The following PRDM10 variants were observed in gnomAD, a reference collection of about 807,000 sequenced individuals.
PRDM10 encodes the protein PR/SET domain 10.
Under a neutral mutation model 133.1 loss-of-function variants are expected in PRDM10, and 65 were observed. The observed-to-expected ratio is 0.49, with a 90% CI of 0.40 to 0.60. The LOEUF (loss-of-function observed/expected upper bound fraction) is 0.60. PRDM10 is among the 20% of genes least tolerant of loss of function. PRDM10 has a pLI of 0.00. For missense variants in PRDM10, 1,137 were observed against 1,507.1 expected (o/e 0.75, Z 4.07); for synonymous variants, 582 against 580.4 (o/e 1.00, Z -0.04).
intron 4 of PRDM10, among the ~76,000 whole-genome samples, chr11:129,951,690 C>T (rs1247303017): frequency 1.3e-5 from 2 of 152,174 alleles, no homozygotes; most frequent in Admixed American, 6.5e-5. Context: ...CAGCAGCACA[C>T]ACAACAGAAT....
rs572471776 is a variant in PRDM10 at position 129,970,203 on chromosome 11, G to C, written c.-118-9121C>G. On this transcript the variant is annotated intron_variant, in intron 1 of 20. Coordinates refer to ENST00000360871, the MANE Select transcript of PRDM10 (RefSeq NM_199437.2). ...CAGGCATGTTCCCTAAAAAGGAAGG[G>C]AACTCTGGCACATGCTTCAACAGGG... is the stretch of plus-strand genomic sequence containing the variant. 7.2e-5 allele frequency among the ~76,000 whole-genome samples: 11 copies of C among 152,294 alleles called. No individual in the cohort carries two copies. The East Asian group carries it at 2.1e-3, about 29-fold the overall frequency.
chr11:129,914,546 T>G, intron 17 of PRDM10, 158 bp downstream of exon 17: 1 of 999,392 alleles, frequency 1.0e-6, no homozygotes, highest in South Asian at 1.4e-5. Flanking sequence ...GCCAGAGGCC[T>G]CATCAGCCTG....
chr11:129,920,239 C>T lies in PRDM10; in HGVS notation c.2035-1521G>A, dbSNP rs376508688. 1.1e-4 allele frequency among the ~76,000 whole-genome samples: 17 copies of T among 152,320 alleles called. No individual in the cohort carries two copies. In the East Asian group the frequency reaches 1.9e-3, roughly 17 times the overall value. ...CCACACCATGCTATGCACATCGTGACGGGCACACATTTGTTGGATGCCAAA... is the reference window on the plus strand; with the variant it reads ...CCACACCATGCTATGCACATCGTGATGGGCACACATTTGTTGGATGCCAAA... On this transcript the variant is annotated intron_variant, in intron 13 of 20. Transcript: ENST00000360871.
chr11:129,918,505 A>G lies in PRDM10; in HGVS notation c.2214+34T>C. 6.2e-7 allele frequency: 1 copy of G among 1,602,788 alleles called. No individual in the cohort carries two copies. The highest frequency in any genetic ancestry group is 8.5e-7 in the Non-Finnish European group (1 of 1,173,654). On this transcript the variant is annotated intron_variant, in intron 14 of 20. Transcript: ENST00000360871. This position sits in a 1 kb window ranked among gnomAD's most constrained non-coding sequence, Gnocchi z 5.3. ...ATCGACAGCAATGAGGTATGCTGGGAAGACAGAGGAACCCGCAGCCACTGG... is the reference window on the plus strand; with the variant it reads ...ATCGACAGCAATGAGGTATGCTGGGGAGACAGAGGAACCCGCAGCCACTGG...
chr11:129,917,343 G>A (rs1950389569), intron 14 of PRDM10, 106 bp from the exon 15 acceptor site: 3 of 808,826 alleles, frequency 3.7e-6, no homozygotes, highest in Middle Eastern at 4.6e-4. Flanking sequence ...ATTCTCTGAA[G>A]CAATGCCCCC....
chr11:129,969,756 G>A (rs1228950402), intron 1 of PRDM10, among the ~76,000 whole-genome samples: 1 of 152,150 alleles, frequency 6.6e-6, no homozygotes, highest in Non-Finnish European at 1.5e-5. Flanking sequence ...GCAGTGAGCT[G>A]AGATTGTGCC....
chr11:129,929,756 CA>C (rs67664190), intron 11 of PRDM10, among the ~76,000 whole-genome samples: 12,038 of 89,970 alleles, frequency 0.13, 876 homozygotes, highest in East Asian at 0.43. Flanking sequence ...TTTTTCCTTC[CA>C]AAAAAAAAAA....
At chr11:129,976,232 G>A (rs188513939) in intron 1 of PRDM10, among the ~76,000 whole-genome samples, 182 of 152,206 alleles carry the variant, frequency 1.2e-3, no homozygotes, top group East Asian at 3.9e-4. Context: ...TCTCTGACCC[G>A]ATTCACCTTG....
intron 19 of PRDM10, among the ~76,000 whole-genome samples, chr11:129,910,106 T>A (rs1349788781): frequency 6.6e-6 from 1 of 152,240 alleles, no homozygotes; most frequent in South Asian, 2.1e-4. Flanking sequence ...GTGTTACCGA[T>A]ACTAATGAGA....
Position 129,944,862 on chromosome 11 carries a change from T to C in PRDM10, c.671A>G (p.Lys224Arg), listed in dbSNP as rs144539589. Residue 224 changes from lysine (K) to arginine (R), a missense_variant, in exon 6 of 21, where the codon AAG becomes AGG. Around this residue, in one of 6 missense-constraint regions of PRDM10, gnomAD observed 635 missense variants for 835.2 expected, o/e 0.76. Transcript: ENST00000360871. ...CTGGGTGCGCTTGGGGATGCGCCGCTTGGAGAACACCCCGCCCAGAAACCT... is the reference window on the plus strand; with the variant it reads ...CTGGGTGCGCTTGGGGATGCGCCGCCTGGAGAACACCCCGCCCAGAAACCT... ...IDRFLGGVFS[K>R]RRIPKRTQFG... 8 of 1,613,952 alleles carry C rather than the reference T, an allele frequency of 5.0e-6. No homozygotes were observed. The African/African-American group carries it at 8.0e-5, about 16-fold the overall frequency.
At chr11:129,950,923 G>A (rs2323775) in intron 4 of PRDM10, among the ~76,000 whole-genome samples, 27,220 of 152,108 alleles carry the variant, frequency 0.18, 4,323 homozygotes, top group East Asian at 0.51. Flanking sequence ...AGATAAAACC[G>A]GCCTTCACTT....
chr11:129,950,093 G>T (rs1951544376), intron 4 of PRDM10, among the ~76,000 whole-genome samples: 1 of 151,870 alleles, frequency 6.6e-6, no homozygotes, highest in Non-Finnish European at 1.5e-5. Flanking sequence ...AAATTTAGCT[G>T]GGCAGTGGTG....
Position 129,944,759 on chromosome 11 carries a change from A to G in PRDM10, c.762+12T>C. On this transcript the variant is annotated intron_variant, in intron 6 of 20. Transcript: ENST00000360871. ...AAAGGACAGGAGTGAAGTGTGATAG[A>G]GCATAAATTACCTTGAGGTGAATGT... 1 of 1,613,764 alleles carries G rather than the reference A, an allele frequency of 6.2e-7. No homozygotes were observed. The highest frequency in any genetic ancestry group is 1.1e-5 in the South Asian group (1 of 91,080).
chr11:129,916,999 C>G lies in PRDM10; in HGVS notation c.2325+128G>C, dbSNP rs551742604. On this transcript the variant is annotated intron_variant, in intron 15 of 20. Coordinates refer to ENST00000360871, the MANE Select transcript of PRDM10 (RefSeq NM_199437.2). ...TAGTCCTTTCTTGTCTGAATGGAGA[C>G]TACTGAGAGACAGGTAACCATCTGG... 1.7e-4 allele frequency: 102 copies of G among 601,656 alleles called. 1 individual carries two copies. In the South Asian group the frequency reaches 3.0e-3, roughly 18 times the overall value. 37.3% of individuals were successfully genotyped at this position (601,656 alleles called of 1,614,324 possible). A position where few individuals can be genotyped will look rare whatever the true frequency, so the allele number is the denominator to read the frequency against.
At chr11:129,982,251 C>G (rs79949355) in intron 1 of PRDM10, among the ~76,000 whole-genome samples, 10,325 of 151,844 alleles carry the variant, frequency 0.068, 658 homozygotes, top group East Asian at 0.36. Context: ...GAGCAAGACC[C>G]TGTCTCAAAA....
At chr11:129,993,515 CGTT>C (rs1360669109) in intron 1 of PRDM10, among the ~76,000 whole-genome samples, 2 of 151,988 alleles carry the variant, frequency 1.3e-5, no homozygotes, top group African/African-American at 2.4e-5. Context: ...GATGGAATCT[CGTT>C]GTGTCGCCCA....
rs1951369999 is a variant in PRDM10 at position 129,945,303 on chromosome 11, A to G, written c.521-291T>C. ...CCTTTGAATAGTGGCCACTAAATTT[A>G]CAAATCAATTACAACATGTCTGAAG... On this transcript the variant is annotated intron_variant, in intron 5 of 20. Transcript: ENST00000360871. This position sits in a 1 kb window ranked among gnomAD's most constrained non-coding sequence, Gnocchi z 4.2. 6.6e-6 allele frequency among the ~76,000 whole-genome samples: 1 copy of G among 152,170 alleles called. No homozygotes were observed. Among genetic ancestry groups the G allele is most frequent in the Non-Finnish European group, 1.5e-5 (1 of 68,014 alleles).
intron 17 of PRDM10, among the ~76,000 whole-genome samples, chr11:129,912,683 C>T (rs1186926048): frequency 1.3e-5 from 2 of 150,336 alleles, no homozygotes; most frequent in African/African-American, 2.5e-5. Flanking sequence ...ACCTGGGAGG[C>T]GGAGCTTGCA....
At chr11:129,944,087 G>C (rs1412419731) in intron 6 of PRDM10, among the ~76,000 whole-genome samples, 6 of 152,208 alleles carry the variant, frequency 3.9e-5, no homozygotes, top group African/African-American at 1.4e-4. Flanking sequence ...ACCCTGTGAG[G>C]ACAGTGAGAA....
Sources: gnomAD v4.1 joint callset for allele counts (sites outside exome capture counted in the v4.1 genomes callset) on GRCh38, gnomAD v4.1.1 for gene constraint, gnomAD v4.1.1 regional missense constraint, Gnocchi (gnomAD v3.1) non-coding constraint, MANE v1.5 for transcripts, NCBI Gene and HGNC (gene_info 2026-07-23, HGNC 2026-07-21) for gene names.